Variants in ZNF215 observed in about 807,000 individuals in gnomAD.
ZNF215 encodes the protein zinc finger protein 215.
ZNF215 carries 24 observed loss-of-function variants against 27.2 expected under a neutral mutation model. The observed-to-expected ratio is 0.88, with a 90% CI of 0.64 to 1.24. ZNF215 has a LOEUF of 1.24. ZNF215 is among the 50% of genes most tolerant of loss of function. The probability of loss-of-function intolerance (pLI) is 0.00; values close to 1 mark genes in which losing one functional copy is unlikely to be tolerated. For synonymous variants in ZNF215, 210 were observed against 204.0 expected (o/e 1.03, Z -0.25); for missense variants, 675 against 605.7 (o/e 1.11, Z -1.20).
chr11:6,956,013 G>A lies in ZNF215; in HGVS notation c.1036G>A (p.Asp346Asn), dbSNP rs750311956. Residue 346 changes from aspartate (D) to asparagine (N), a missense_variant, in exon 7 of 7, where the codon GAC becomes AAC. Coordinates refer to ENST00000278319, the MANE Select transcript of ZNF215 (RefSeq NM_013250.4). ...TAAAACTTACTTCAAATTTAATTTA[G>A]ACTCAGTAGGTAAGCAACATTCAGA... is the stretch of plus-strand genomic sequence containing the variant. ...KFKTYFKFNL[D>N]SVGKQHSEYE... The A allele has an allele frequency of 5.0e-6, 8 of 1,609,600 alleles. No homozygotes were observed. In the African/African-American group the frequency reaches 9.4e-5, roughly 19 times the overall value.
downstream of ZNF215, among the ~76,000 whole-genome samples, chr11:6,989,794 G>T (rs1851098159): frequency 6.6e-6 from 1 of 152,130 alleles, no homozygotes; most frequent in South Asian, 2.1e-4. Flanking sequence ...CAATTTTTAT[G>T]TAACAAGGTT....
chr11:6,932,279 C>T lies in ZNF215; in HGVS notation c.7C>T (p.Pro3Ser), dbSNP rs758280484. 1.9e-6 allele frequency: 3 copies of T among 1,613,244 alleles called. No individual in the cohort carries two copies. The highest frequency in any genetic ancestry group is 1.1e-5 in the South Asian group (1 of 90,972). Residue 3 changes from proline (P) to serine (S), a missense_variant, in exon 3 of 7, where the codon CCT becomes TCT. Coordinates refer to ENST00000278319, the MANE Select transcript of ZNF215 (RefSeq NM_013250.4). Reference sequence around the variant, plus strand: ...GGGAGTTCTATTTAGGAAGATGCAGCCTCTGAGCAAGTTGATGGCTATCTC... The same window carrying T: ...GGGAGTTCTATTTAGGAAGATGCAGTCTCTGAGCAAGTTGATGGCTATCTC... Reference protein sequence around the residue: MQPLSKLMAISKP... With the variant: MQSLSKLMAISKP...
chr11:6,981,765 C>T (rs1345172202), intron 5 of ZNF215, among the ~76,000 whole-genome samples: 3 of 151,888 alleles, frequency 2.0e-5, no homozygotes, highest in Non-Finnish European at 4.4e-5. Flanking sequence ...GTCTTTAATC[C>T]ATCTTGAATT....
At chr11:6,928,597 A>G (rs1232151583) in intron 2 of ZNF215, among the ~76,000 whole-genome samples, 1 of 151,872 alleles carries the variant, frequency 6.6e-6, no homozygotes, top group East Asian at 1.9e-4. Context: ...ATGTCTTTTG[A>G]GTTTTATGTA....
chr11:6,957,259 C>G lies in ZNF215; in HGVS notation c.*728C>G. 1.1e-6 allele frequency: 1 copy of G among 916,568 alleles called. No homozygotes were observed. The highest frequency in any genetic ancestry group is 1.3e-6 in the Non-Finnish European group (1 of 767,382). 56.8% of individuals were successfully genotyped at this position (916,568 alleles called of 1,614,324 possible). ...GATGAGAAAAATATCGATTCCCAGC[C>G]AGGGACACTGTGTGGAGTTCGCACA... On this transcript the variant is annotated 3_prime_UTR_variant, in exon 7 of 7. Transcript: ENST00000278319.
downstream of ZNF215, chr11:6,984,645 ATTTACT>A (rs954457851): frequency 2.0e-5 from 3 of 152,236 alleles, no homozygotes; most frequent in Non-Finnish European, 2.9e-5. Context: ...TCTGCCCATG[ATTTACT>A]TTTATGAGAA....
intron 5 of ZNF215, among the ~76,000 whole-genome samples, chr11:6,980,695 G>C (rs1386705430): frequency 2.0e-5 from 3 of 150,748 alleles, no homozygotes; most frequent in Non-Finnish European, 4.4e-5. Context: ...TGCCATGCTG[G>C]TGTGCTGCAC....
chr11:6,939,980 T>C (rs1279549093), intron 3 of ZNF215, among the ~76,000 whole-genome samples: 1 of 151,712 alleles, frequency 6.6e-6, no homozygotes, highest in African/African-American at 2.4e-5. Context: ...CCCAACTCTT[T>C]GGGAGGCTGA....
At chr11:6,979,992 G>T (rs1281432121) in intron 5 of ZNF215, among the ~76,000 whole-genome samples, 1 of 151,954 alleles carries the variant, frequency 6.6e-6, no homozygotes, top group African/African-American at 2.4e-5. Flanking sequence ...ACATTAAAAA[G>T]CAACAAGTAC....
chr11:6,950,635 G>C (rs1242235723), intron 6 of ZNF215, among the ~76,000 whole-genome samples: 1 of 151,246 alleles, frequency 6.6e-6, no homozygotes, highest in African/African-American at 2.4e-5. Flanking sequence ...ATTTTGGGCT[G>C]AGACGATGGG....
At chr11:6,938,870 T>A (rs574550562) in intron 3 of ZNF215, among the ~76,000 whole-genome samples, 1 of 152,184 alleles carries the variant, frequency 6.6e-6, no homozygotes, top group African/African-American at 2.4e-5. Context: ...TTCTTTAAAA[T>A]AGCTAATATG....
chr11:6,943,256 C>A (rs1487355446), intron 5 of ZNF215, 41 bp downstream of exon 5: 1 of 1,576,730 alleles, frequency 6.3e-7, no homozygotes, highest in East Asian at 2.2e-5. Context: ...ATTTAGTAAT[C>A]TCTTCCTACC....
chr11:6,987,945 AG>A (rs1564980886), downstream of ZNF215, among the ~76,000 whole-genome samples: 2 of 152,336 alleles, frequency 1.3e-5, no homozygotes, highest in East Asian at 3.9e-4. Flanking sequence ...AAGAAAGAAA[AG>A]TAATTATAAT....
intron 5 of ZNF215, among the ~76,000 whole-genome samples, chr11:6,983,118 T>C (rs562938193): frequency 6.6e-6 from 1 of 152,204 alleles, no homozygotes; most frequent in African/African-American, 2.4e-5. Flanking sequence ...CATCAGAGAA[T>C]ACTACAAACA....
At chr11:6,952,970 A>AT (rs1850141362) in intron 6 of ZNF215, among the ~76,000 whole-genome samples, 1 of 152,068 alleles carries the variant, frequency 6.6e-6, no homozygotes, top group South Asian at 2.1e-4. Flanking sequence ...TCTGTGAAGT[A>AT]TTTTATTTCT....
At chr11:6,986,984 C>T (rs1851064185), downstream of ZNF215, among the ~76,000 whole-genome samples, 1 of 152,124 alleles carries the variant, frequency 6.6e-6, no homozygotes, top group African/African-American at 2.4e-5. Context: ...TTGGAGATTT[C>T]TCAAATAACT....
At chr11:6,930,679 T>C (rs1299593162) in intron 2 of ZNF215, among the ~76,000 whole-genome samples, 1 of 152,236 alleles carries the variant, frequency 6.6e-6, no homozygotes, top group Non-Finnish European at 1.5e-5. Context: ...GTAACATACA[T>C]GTGTGCATAT....
intron 6 of ZNF215, among the ~76,000 whole-genome samples, chr11:6,944,913 A>G (rs1328754516): frequency 6.6e-6 from 1 of 152,166 alleles, no homozygotes; most frequent in East Asian, 1.9e-4. Flanking sequence ...ATTCAATTAT[A>G]TCATAATACA....
intron 6 of ZNF215, among the ~76,000 whole-genome samples, chr11:6,952,557 C>G (rs575762471): frequency 1.3e-5 from 2 of 151,970 alleles, no homozygotes; most frequent in South Asian, 4.2e-4. Flanking sequence ...GGATTGCAAC[C>G]CCTACCTTTT....
Sources: allele counts gnomAD v4.1 joint callset (sites outside exome capture counted in the v4.1 genomes callset), GRCh38; gene constraint gnomAD v4.1.1; transcripts MANE v1.5; gene names NCBI Gene and HGNC (gene_info 2026-07-23, HGNC 2026-07-21).